NAALADL2: variants seen among roughly 807,000 people sequenced by gnomAD.
The protein encoded by NAALADL2 is N-acetylated alpha-linked acidic dipeptidase like 2, also known as inactive N-acetylated-alpha-linked acidic dipeptidase-like protein 2.
Under a neutral mutation model 87.2 loss-of-function variants are expected in NAALADL2, and 76 were observed. The observed-to-expected ratio is 0.87, with a 90% CI of 0.72 to 1.05. The LOEUF (loss-of-function observed/expected upper bound fraction) is 1.05. Among genes scored for constraint, NAALADL2 ranks in the 50% least tolerant of loss-of-function variants. NAALADL2 has a pLI of 0.00. For synonymous variants in NAALADL2, 354 were observed against 331.0 expected (o/e 1.07, Z -0.75); for missense variants, 1,089 against 945.8 (o/e 1.15, Z -1.99).
At chr3:175,002,325 T>C (rs1374769745) in intron 1 of NAALADL2, among the ~76,000 whole-genome samples, 1 of 152,116 alleles carries the variant, frequency 6.6e-6, no homozygotes. Flanking sequence ...AAACATCTTA[T>C]AGAAGATTAT....
intron 1 of NAALADL2, among the ~76,000 whole-genome samples, chr3:175,012,979 A>C (rs1310061188): frequency 7.3e-6 from 1 of 137,564 alleles, no homozygotes; most frequent in Non-Finnish European, 1.5e-5. Flanking sequence ...ATATATATAT[A>C]CACAAAAATA....
intron 10 of NAALADL2, among the ~76,000 whole-genome samples, chr3:175,584,762 A>G (rs2149584838): frequency 6.6e-6 from 1 of 152,346 alleles, no homozygotes; most frequent in African/African-American, 2.4e-5. Flanking sequence ...ACATATAAAA[A>G]GTGCAGTAAA....
At chr3:174,569,531 G>A (rs1006976695) in intron 2 of NAALADL2, among the ~76,000 whole-genome samples, 1 of 151,962 alleles carries the variant, frequency 6.6e-6, no homozygotes, top group South Asian at 2.1e-4. Context: ...TATTGTCTGA[G>A]TTTTCTCTTG....
At chr3:175,649,869 A>G (rs913750365) in intron 11 of NAALADL2, among the ~76,000 whole-genome samples, 3 of 152,114 alleles carry the variant, frequency 2.0e-5, no homozygotes, top group Non-Finnish European at 4.4e-5. Flanking sequence ...CATATTTACT[A>G]TTCATATCAA....
intron 2 of NAALADL2, among the ~76,000 whole-genome samples, chr3:175,232,169 G>A (rs1656198257): frequency 6.6e-6 from 1 of 150,790 alleles, no homozygotes; most frequent in African/African-American, 2.4e-5. Context: ...GGGGGAGGAG[G>A]AGGAGAAGGA....
chr3:175,048,740 T>G (rs74428071), intron 1 of NAALADL2, among the ~76,000 whole-genome samples: 3,507 of 152,284 alleles, frequency 0.023, 55 homozygotes, highest in Non-Finnish European at 0.034. Flanking sequence ...CTCTTAGGTT[T>G]CAGAGCATGT....
At chr3:174,857,957 T>C (rs935210432), upstream of NAALADL2, among the ~76,000 whole-genome samples, 15 of 151,780 alleles carry the variant, frequency 9.9e-5, no homozygotes, top group African/African-American at 3.6e-4. Flanking sequence ...ACACAACTTA[T>C]ATAGTCAATT....
intron 4 of NAALADL2, among the ~76,000 whole-genome samples, chr3:175,301,409 G>T (rs1447457183): frequency 2.0e-5 from 3 of 152,004 alleles, no homozygotes; most frequent in Non-Finnish European, 4.4e-5. Context: ...ATTTATCCCA[G>T]AACTTAAAGT....
At chr3:175,448,707 T>C (rs897190173) in intron 6 of NAALADL2, among the ~76,000 whole-genome samples, 9 of 152,154 alleles carry the variant, frequency 5.9e-5, no homozygotes, top group African/African-American at 2.2e-4. Flanking sequence ...TTGTGTTATA[T>C]GTTATGTTAT....
chr3:175,752,962 A>G (rs898247253), intron 12 of NAALADL2, among the ~76,000 whole-genome samples: 1 of 152,268 alleles, frequency 6.6e-6, no homozygotes, highest in East Asian at 1.9e-4. Context: ...TTATCTATAC[A>G]TTAACTTTGC....
chr3:174,683,639 TG>T (rs1423785485), intron 2 of NAALADL2, among the ~76,000 whole-genome samples: 9 of 126,676 alleles, frequency 7.1e-5, no homozygotes, highest in Admixed American at 5.7e-4. Flanking sequence ...GGTGTGTGTG[TG>T]TGTGTGTGTG....
intron 11 of NAALADL2, among the ~76,000 whole-genome samples, chr3:175,651,444 G>T (rs1179963342): frequency 2.6e-5 from 4 of 152,064 alleles, no homozygotes; most frequent in African/African-American, 9.7e-5. Flanking sequence ...GAAGTGACTG[G>T]CTGGTTTCAC....
chr3:174,882,833 GTGTATATGTGCATATGTGTATATATA>G (rs1560319945), intron 1 of NAALADL2, among the ~76,000 whole-genome samples: 1 of 138,556 alleles, frequency 7.2e-6, no homozygotes, highest in African/African-American at 3.1e-5. Flanking sequence ...ATATACACGT[GTGTATATGTGCATATGTGTATATATA>G]CATATGTGTA....
At chr3:174,683,515 A>G (rs1727749282) in intron 2 of NAALADL2, among the ~76,000 whole-genome samples, 2 of 152,160 alleles carry the variant, frequency 1.3e-5, no homozygotes, top group Admixed American at 1.3e-4. Flanking sequence ...AAAAACTATG[A>G]AAAGTATCAA....
intron 1 of NAALADL2, among the ~76,000 whole-genome samples, chr3:174,466,851 T>C (rs371798303): frequency 6.6e-6 from 1 of 152,198 alleles, no homozygotes; most frequent in East Asian, 1.9e-4. Flanking sequence ...TTTAAACACA[T>C]AGTTCTTTAT....
chr3:175,333,815 G>C (rs1425142551), intron 5 of NAALADL2, among the ~76,000 whole-genome samples: 1 of 152,106 alleles, frequency 6.6e-6, no homozygotes, highest in Non-Finnish European at 1.5e-5. Context: ...TTTCAAAATA[G>C]CTGGAAAAGA....
chr3:175,354,487 G>C (rs533535603), intron 5 of NAALADL2, among the ~76,000 whole-genome samples: 1 of 152,004 alleles, frequency 6.6e-6, no homozygotes, highest in South Asian at 2.1e-4. Context: ...TGTCATATTC[G>C]CATGTTATTA....
At chr3:174,606,198 G>T (rs1489766168) in intron 2 of NAALADL2, among the ~76,000 whole-genome samples, 1 of 152,142 alleles carries the variant, frequency 6.6e-6, no homozygotes, top group East Asian at 1.9e-4. Context: ...ACCGAAAGTA[G>T]ATAAAACCAC....
At chr3:174,524,088 T>A (rs1418715487) in intron 1 of NAALADL2, among the ~76,000 whole-genome samples, 1 of 152,160 alleles carries the variant, frequency 6.6e-6, no homozygotes, top group African/African-American at 2.4e-5. Context: ...AAATATTATC[T>A]GTGTTTTATG....
Sources: allele counts gnomAD v4.1 joint callset (sites outside exome capture counted in the v4.1 genomes callset), GRCh38; gene constraint gnomAD v4.1.1; transcripts MANE v1.5; gene names NCBI Gene and HGNC (gene_info 2026-07-23, HGNC 2026-07-21).